AREL1: variants seen among roughly 807,000 people sequenced by gnomAD.
AREL1 encodes apoptosis-resistant E3 ubiquitin protein ligase 1.
AREL1 carries 62 observed loss-of-function variants against 99.0 expected under a neutral mutation model. That is an observed-to-expected ratio of 0.63 (90% CI 0.51 to 0.77). The LOEUF is 0.77. Among genes scored for constraint, AREL1 ranks in the 30% least tolerant of loss-of-function variants. AREL1 has a pLI of 0.00. For synonymous variants in AREL1, 380 were observed against 376.5 expected (o/e 1.01, Z -0.11); for missense variants, 879 against 1,027.6 (o/e 0.86, Z 1.98).
At chr14:74,698,792 G>A (rs34976163) in intron 1 of AREL1, 1 of 267,366 alleles carries the variant, frequency 3.7e-6, no homozygotes, top group Admixed American at 3.5e-5. Flanking sequence ...GGGAGGCTGA[G>A]GTGGGAGGAT....
intron 13 of AREL1, 156 bp from the exon 14 acceptor site, chr14:74,670,282 G>A: frequency 1.6e-6 from 1 of 617,438 alleles, no homozygotes; most frequent in Non-Finnish European, 2.6e-6. Flanking sequence ...CCACCACTGA[G>A]TAATTCAAAG....
At position 74,685,763 on chromosome 14, in the gene AREL1, C is replaced by T. The variant is rs1345002979; in HGVS notation, c.-45-103G>A. ...TATGGCGTGAGCCAAACAACTCTCTCTAGTCCAGAGCCTTACTATTCCTAT... is the reference window on the plus strand; with the variant it reads ...TATGGCGTGAGCCAAACAACTCTCTTTAGTCCAGAGCCTTACTATTCCTAT... On this transcript the variant is annotated intron_variant, in intron 2 of 19. Transcript: ENST00000356357. The T allele has an allele frequency of 2.3e-5, 22 of 941,582 alleles. No individual in the cohort carries two copies. The East Asian group carries it at 2.6e-4, about 11-fold the overall frequency. The allele number at this position is 941,582 out of a possible 1,614,324, so 58.3% of individuals were successfully genotyped here.
At chr14:74,671,180 A>G (rs181766238) in intron 12 of AREL1, among the ~76,000 whole-genome samples, 1 of 151,912 alleles carries the variant, frequency 6.6e-6, no homozygotes, top group Admixed American at 6.6e-5. Context: ...AAGTCCCTGT[A>G]TGTCTGTGTA....
chr14:74,677,817 TAAA>T (rs78780006), intron 5 of AREL1, among the ~76,000 whole-genome samples: 1 of 136,214 alleles, frequency 7.3e-6, no homozygotes, highest in Non-Finnish European at 1.6e-5. Context: ...GTCTCTTTAT[TAAA>T]AAAAAAAAAA....
At position 74,662,749 on chromosome 14, in the gene AREL1, G is replaced by A. The variant is rs187535242; in HGVS notation, c.*971C>T. On this transcript the variant is annotated 3_prime_UTR_variant, in exon 20 of 20. Coordinates refer to ENST00000356357, the MANE Select transcript of AREL1 (RefSeq NM_001039479.2). ...GTGCTGCCAGAGAACACCAAGCAGA[G>A]AGAGAATCAGGGATTGCTGGCATAC... is the stretch of plus-strand genomic sequence containing the variant. The A allele has an allele frequency of 4.5e-5, 18 of 397,132 alleles. No homozygotes were observed. Among genetic ancestry groups the A allele is most frequent in the African/African-American group, 3.1e-4 (15 of 48,710 alleles). The allele number at this position is 397,132 out of a possible 1,614,324, so 24.6% of individuals were successfully genotyped here.
intron 18 of AREL1, 23 bp downstream of exon 18, chr14:74,664,813 T>C: frequency 6.2e-7 from 1 of 1,606,586 alleles, no homozygotes. Context: ...CAAATCCAAC[T>C]GAAAGAAGTT....
At chr14:74,684,407 G>C in intron 4 of AREL1, 47 bp downstream of exon 4, 1 of 1,574,990 alleles carries the variant, frequency 6.3e-7, no homozygotes, top group Non-Finnish European at 8.7e-7. Flanking sequence ...TGGAAAGCAA[G>C]TTACTCAGAA....
intron 9 of AREL1, among the ~76,000 whole-genome samples, chr14:74,673,802 G>A (rs1438969489): frequency 6.6e-6 from 1 of 152,230 alleles, no homozygotes; most frequent in African/African-American, 2.4e-5. Flanking sequence ...CACTGTTGAA[G>A]TATTCTGAGT....
At chr14:74,666,463 T>C (rs2089210767) in intron 17 of AREL1, among the ~76,000 whole-genome samples, 1 of 152,198 alleles carries the variant, frequency 6.6e-6, no homozygotes, top group South Asian at 2.1e-4. Context: ...ATGAATTTAC[T>C]ATATAAATAA....
At chr14:74,679,920 T>A (rs1341178672) in intron 5 of AREL1, among the ~76,000 whole-genome samples, 1 of 152,076 alleles carries the variant, frequency 6.6e-6, no homozygotes, top group African/African-American at 2.4e-5. Context: ...CTCACGCCTG[T>A]AATCCCAGCA....
intron 15 of AREL1, among the ~76,000 whole-genome samples, chr14:74,669,164 C>T (rs2089274651): frequency 6.6e-6 from 1 of 152,176 alleles, no homozygotes. Flanking sequence ...CAAAGTGTTG[C>T]AATTACAGGC....
rs1338787263 is a variant in AREL1, at chr14:74,711,782, G to C, written c.-334+1151C>G. Among the ~76,000 whole-genome samples, 3 of 152,040 alleles carry C rather than the reference G, an allele frequency of 2.0e-5. No homozygotes were observed. In the East Asian group the frequency reaches 5.8e-4, roughly 29 times the overall value. ...AGATAAAGAAACTGAGATGCAGATA[G>C]ATTAACTCACCCAATGTCATGGCGA... On this transcript the variant is annotated intron_variant, in intron 1 of 19. Transcript: ENST00000356357.
intron 5 of AREL1, among the ~76,000 whole-genome samples, chr14:74,679,878 T>C (rs925932475): frequency 6.6e-6 from 1 of 151,254 alleles, no homozygotes; most frequent in African/African-American, 2.4e-5. Flanking sequence ...ATAATCCCAT[T>C]AGATAATGGG....
chr14:74,684,427 G>C (rs1452966836), intron 4 of AREL1, 27 bp downstream of exon 4: 5 of 1,605,004 alleles, frequency 3.1e-6, no homozygotes, highest in Non-Finnish European at 3.4e-6. Flanking sequence ...AACCCCAATG[G>C]GTATGGAGAC....
In AREL1 at chr14:74,676,234, G is replaced by T. The variant is rs757337189; in HGVS notation, c.739C>A (p.Leu247Ile). The T allele has an allele frequency of 1.2e-6, 2 of 1,614,158 alleles. No individual in the cohort carries two copies. The highest frequency in any genetic ancestry group is 1.7e-6 in the Non-Finnish European group (2 of 1,180,014). Residue 247 changes from leucine (L) to isoleucine (I), a missense_variant, in exon 7 of 20, where the codon CTC (leucine) becomes ATC (isoleucine). Physicochemically the swap from Leu to Ile is conservative, Grantham distance 5 (BLOSUM62 2). Coordinates refer to ENST00000356357, the MANE Select transcript of AREL1 (RefSeq NM_001039479.2). ...NRQTFQVFLR[L>I]TLHSRGCFHA... is the part of the protein sequence containing the mutation. ...AAGCAGCCTCGAGAATGCAGGGTGA[G>T]TCGCAAGAACACCTGGAAAGTCTGC... is the stretch of plus-strand genomic sequence containing the variant.
At chr14:74,697,910 T>A (rs2090006617) in intron 1 of AREL1, among the ~76,000 whole-genome samples, 1 of 152,150 alleles carries the variant, frequency 6.6e-6, no homozygotes, top group Non-Finnish European at 1.5e-5. Flanking sequence ...CACTGGGGCA[T>A]GCTAGAATGT....
chr14:74,669,914 G>T (rs934287270), intron 14 of AREL1, 33 bp downstream of exon 14: 15 of 1,585,700 alleles, frequency 9.5e-6, no homozygotes, highest in Non-Finnish European at 1.2e-5. Context: ...ATGGCCAGGG[G>T]CCTTAGTAGG....
intron 1 of AREL1, among the ~76,000 whole-genome samples, chr14:74,703,829 T>C (rs1339658585): frequency 1.3e-5 from 2 of 152,232 alleles, no homozygotes; most frequent in Non-Finnish European, 2.9e-5. Flanking sequence ...AGGCACATGA[T>C]TTCATTTCTC....
intron 1 of AREL1, among the ~76,000 whole-genome samples, chr14:74,696,206 CT>C (rs2089976353): frequency 1.3e-5 from 2 of 152,134 alleles, no homozygotes; most frequent in Admixed American, 1.3e-4. Flanking sequence ...AGCTACACAA[CT>C]ACCTTATATA....
Sources: allele counts gnomAD v4.1 joint callset (sites outside exome capture counted in the v4.1 genomes callset), GRCh38; gene constraint gnomAD v4.1.1; transcripts MANE v1.5; gene names NCBI Gene and HGNC (gene_info 2026-07-23, HGNC 2026-07-21).